The following DCPS variants were observed in gnomAD, a reference collection of about 807,000 sequenced individuals.
The protein encoded by DCPS is decapping enzyme, scavenger, also known as m7GpppX diphosphatase.
DCPS carries 27 observed loss-of-function variants against 34.7 expected under a neutral mutation model. That is an observed-to-expected ratio of 0.78 (90% CI 0.57 to 1.07). The LOEUF is 1.07. Among genes scored for constraint, DCPS ranks in the 50% least tolerant of loss-of-function variants. The pLI, the probability that DCPS is intolerant of heterozygous loss-of-function variation, is 0.00. For synonymous variants in DCPS, 185 were observed against 185.7 expected, an observed-to-expected ratio of 1.00 and a Z score of 0.03; for missense variants, 464 against 436.9, an observed-to-expected ratio of 1.06 and a Z score of -0.55.
chr11:126,342,681 C>G lies in DCPS; in HGVS notation c.637-626C>G, dbSNP rs1008197831. On this transcript the variant is annotated intron_variant, in intron 4 of 5. Transcript: ENST00000263579. This position sits in a 1 kb window ranked among gnomAD's most constrained non-coding sequence, Gnocchi z 4.4. ...TATTTTGTGTCTTACAGTAGAGCTA[C>G]TTGCATACATGCGATAAGACTGTAA... Among the ~76,000 whole-genome samples, 2 of 152,094 alleles carry G rather than the reference C, an allele frequency of 1.3e-5. No homozygotes were observed. Among genetic ancestry groups the G allele is most frequent in the East Asian group, 1.9e-4 (1 of 5,178 alleles).
rs1255936706 is a variant in DCPS, at chr11:126,348,049, G to A, written c.*2436G>A. ...TCCTTCCCCTCATCTCGTAGCGCCTGGCCCCTGGAGGAAGGTGGGTAGGAA... is the reference window on the plus strand; with the variant it reads ...TCCTTCCCCTCATCTCGTAGCGCCTAGCCCCTGGAGGAAGGTGGGTAGGAA... On this transcript the variant is annotated 3_prime_UTR_variant, in exon 6 of 6. Coordinates refer to ENST00000263579, the MANE Select transcript of DCPS (RefSeq NM_014026.6). This position sits in a 1 kb window ranked among gnomAD's most constrained non-coding sequence, Gnocchi z 5.3. 1.3e-5 allele frequency among the ~76,000 whole-genome samples: 2 copies of A among 152,036 alleles called. No individual in the cohort carries two copies. Among genetic ancestry groups the A allele is most frequent in the Non-Finnish European group, 2.9e-5 (2 of 68,006 alleles).
chr11:126,323,624 C>T lies in DCPS; in HGVS notation c.377-7781C>T, dbSNP rs1253663729. ...GATCACAGCTCACTGCAGCCTTGAC[C>T]TTCCAGGCTCAAGCGATCCTCCCAC... On this transcript the variant is annotated intron_variant, in intron 2 of 5. Transcript: ENST00000263579. This position sits in a 1 kb window ranked among gnomAD's most constrained non-coding sequence, Gnocchi z 4.4. Among the ~76,000 whole-genome samples, 2 of 151,958 alleles carry T rather than the reference C, an allele frequency of 1.3e-5. No homozygotes were observed. Among genetic ancestry groups the T allele is most frequent in the Non-Finnish European group, 2.9e-5 (2 of 68,008 alleles).
In DCPS at chr11:126,343,394, A is replaced by G. The variant is rs754246663; in HGVS notation, c.724A>G (p.Arg242Gly). 4 of 1,613,772 alleles carry G rather than the reference A, an allele frequency of 2.5e-6. No individual in the cohort carries two copies. Among genetic ancestry groups the G allele is most frequent in the Admixed American group, 1.7e-5 (1 of 59,990 alleles). Residue 242 changes from arginine (R) to glycine (G), a missense_variant, in exon 5 of 6, where the codon AGG becomes GGG. Physicochemically the swap from Arg to Gly is moderately radical, Grantham distance 125. Coordinates refer to ENST00000263579, the MANE Select transcript of DCPS (RefSeq NM_014026.6). ...TACTCCGGAGCACTTGCCGCTGCTCAGGAACATCCTCCACCAGGGGCAGGT... is the reference window on the plus strand; with the variant it reads ...TACTCCGGAGCACTTGCCGCTGCTCGGGAACATCCTCCACCAGGGGCAGGT... ...DLTPEHLPLL[R>G]NILHQGQEAI...
chr11:126,304,370 T>G, intron 1 of DCPS, 89 bp downstream of exon 1: 1 of 1,452,036 alleles, frequency 6.9e-7, no homozygotes, highest in South Asian at 1.2e-5. Flanking sequence ...GGATCTCGGC[T>G]GGAAAATACC....
chr11:126,326,127 T>TATAA (rs1409205843), intron 2 of DCPS, among the ~76,000 whole-genome samples: 1 of 152,076 alleles, frequency 6.6e-6, no homozygotes, highest in Non-Finnish European at 1.5e-5. Flanking sequence ...AAAAAATACA[T>TATAA]ATAAATAAAT....
intron 4 of DCPS, among the ~76,000 whole-genome samples, chr11:126,343,067 CAAAAA>C (rs34804017): frequency 2.9e-5 from 3 of 102,242 alleles, no homozygotes; most frequent in Non-Finnish European, 3.9e-5. Context: ...GAGACTCTGT[CAAAAA>C]AAAAAAAAAA....
intron 2 of DCPS, among the ~76,000 whole-genome samples, chr11:126,318,914 C>T (rs1951682841): frequency 6.6e-6 from 1 of 152,168 alleles, no homozygotes; most frequent in African/African-American, 2.4e-5. Context: ...TTTGGCTAAG[C>T]TAGCTTTGGC....
chr11:126,304,347 A>T (rs1951545916), intron 1 of DCPS, 66 bp downstream of exon 1: 2 of 1,281,438 alleles, frequency 1.6e-6, no homozygotes, highest in African/African-American at 1.5e-5. Flanking sequence ...TCGGAGGCAG[A>T]TTTTTTTTTT....
rs919694502 is a variant in DCPS at position 126,347,708 on chromosome 11, C to G, written c.*2095C>G. On this transcript the variant is annotated 3_prime_UTR_variant, in exon 6 of 6. Coordinates refer to ENST00000263579, the MANE Select transcript of DCPS (RefSeq NM_014026.6). The surrounding 1 kb of genome is among the most constrained non-coding windows in gnomAD (Gnocchi z 4.2). ...CTTTTGTGGGCAGTGACACTGGCAG[C>G]TGCTGGGGTCTTGGCAGGAGGTTGG... Among the ~76,000 whole-genome samples, 10 of 152,230 alleles carry G rather than the reference C, an allele frequency of 6.6e-5. No homozygotes were observed. Among genetic ancestry groups the G allele is most frequent in the African/African-American group, 2.4e-4 (10 of 41,460 alleles).
At position 126,345,022 on chromosome 11, in the gene DCPS, A is replaced by G. The variant is rs1951906737; in HGVS notation, c.748-325A>G. 1.3e-5 allele frequency among the ~76,000 whole-genome samples: 2 copies of G among 152,264 alleles called. No homozygotes were observed. Among genetic ancestry groups the G allele is most frequent in the South Asian group, 2.1e-4 (1 of 4,834 alleles). On this transcript the variant is annotated intron_variant, in intron 5 of 5. Transcript: ENST00000263579. This position sits in a 1 kb window ranked among gnomAD's most constrained non-coding sequence, Gnocchi z 7.4. Reference sequence around the variant, plus strand: ...GGGAATCTGGGGCCTGTCTGTAGACACTGGGCCTTCCAAGATTCCCAGCAG... The same window carrying G: ...GGGAATCTGGGGCCTGTCTGTAGACGCTGGGCCTTCCAAGATTCCCAGCAG...
In DCPS at chr11:126,327,315, C is replaced by G. The variant is rs912456827; in HGVS notation, c.377-4090C>G. On this transcript the variant is annotated intron_variant, in intron 2 of 5. Transcript: ENST00000263579. This position sits in a 1 kb window ranked among gnomAD's most constrained non-coding sequence, Gnocchi z 4.1. ...GGATTTTGGTTTGCTGATATTTCCT[C>G]ATGACTGGACTCAGGTTATGCGTTT... 6.6e-6 allele frequency among the ~76,000 whole-genome samples: 1 copy of G among 152,228 alleles called. No individual in the cohort carries two copies. The highest frequency in any genetic ancestry group is 6.5e-5 in the Admixed American group (1 of 15,282).
Position 126,331,602 on chromosome 11 carries a change from T to C in DCPS, c.522+52T>C, listed in dbSNP as rs1236149366. On this transcript the variant is annotated intron_variant, in intron 3 of 5. Coordinates refer to ENST00000263579, the MANE Select transcript of DCPS (RefSeq NM_014026.6). This position sits in a 1 kb window ranked among gnomAD's most constrained non-coding sequence, Gnocchi z 7.2. ...GAGCACTGCTCCCGTGGCTGGTGCC[T>C]CCTCTTACGAGTGTCTATTGGGGTC... 1 of 1,599,072 alleles carries C rather than the reference T, an allele frequency of 6.3e-7. No individual in the cohort carries two copies. Among genetic ancestry groups the C allele is most frequent in the Non-Finnish European group, 8.5e-7 (1 of 1,172,738 alleles).
Position 126,342,508 on chromosome 11 carries a change from T to C in DCPS, c.637-799T>C, listed in dbSNP as rs1288322432. Among the ~76,000 whole-genome samples, 1 of 152,166 alleles carries C rather than the reference T, an allele frequency of 6.6e-6. No individual in the cohort carries two copies. The highest frequency in any genetic ancestry group is 1.5e-5 in the Non-Finnish European group (1 of 68,022). On this transcript the variant is annotated intron_variant, in intron 4 of 5. Transcript: ENST00000263579. This position sits in a 1 kb window ranked among gnomAD's most constrained non-coding sequence, Gnocchi z 4.4. Reference sequence around the variant, plus strand: ...ATTCTATGCCCTATACATTCTTGCCTCCGAGTCTTTGCTCTGTTTCCTCTA... The same window carrying C: ...ATTCTATGCCCTATACATTCTTGCCCCCGAGTCTTTGCTCTGTTTCCTCTA...
rs144489234 is a variant in DCPS at position 126,314,419 on chromosome 11, G to A, written c.376+7675G>A. On this transcript the variant is annotated intron_variant, in intron 2 of 5. Coordinates refer to ENST00000263579, the MANE Select transcript of DCPS (RefSeq NM_014026.6). ...ATGGAAAGTAGTACAACCATTACGG[G>A]AAACAGTGTGGAAATTCCTTAAAGA... Among the ~76,000 whole-genome samples the A allele has an allele frequency of 4.2e-4, 64 of 152,294 alleles. No individual in the cohort carries two copies. The South Asian group carries it at 0.013, about 32-fold the overall frequency.
chr11:126,341,309 C>T (rs1056557980), intron 4 of DCPS: 5 of 152,274 alleles, frequency 3.3e-5, no homozygotes, highest in Non-Finnish European at 5.9e-5. Context: ...CCCAGAGTGA[C>T]TGATGGGCCA....
At chr11:126,305,317 G>A (rs1202386327) in intron 1 of DCPS, among the ~76,000 whole-genome samples, 3 of 149,284 alleles carry the variant, frequency 2.0e-5, no homozygotes, top group Non-Finnish European at 3.0e-5. Context: ...GTTTCACCAT[G>A]TTGGCCAGGC....
intron 4 of DCPS, among the ~76,000 whole-genome samples, chr11:126,339,340 G>T (rs550095568): frequency 6.2e-4 from 95 of 152,346 alleles, no homozygotes; most frequent in African/African-American, 2.2e-3. Context: ...CCCGTCAAAG[G>T]CTGGAGAGAC....
At position 126,331,414 on chromosome 11, in the gene DCPS, C is replaced by T. The variant is rs201550193; in HGVS notation, c.386C>T (p.Thr129Met). ...TGCTGTATCATTGCAGATGTAAAGA[C>T]GACCGTGGTTTACCCTGCCACAGAG... ...FPPRQLNDVK[T>M]TVVYPATEKH... Residue 129 changes from threonine (T) to methionine (M), a missense_variant, in exon 3 of 6, where the codon ACG becomes ATG. Coordinates refer to ENST00000263579, the MANE Select transcript of DCPS (RefSeq NM_014026.6). This position sits in a 1 kb window ranked among gnomAD's most constrained non-coding sequence, Gnocchi z 7.2. 4.7e-5 allele frequency: 76 copies of T among 1,614,060 alleles called. No homozygotes were observed. The Admixed American group carries it at 6.2e-4, about 13-fold the overall frequency.
In DCPS at chr11:126,334,551, C is replaced by T. The variant is rs1435499000; in HGVS notation, c.522+3001C>T. The stretch of plus-strand genomic sequence containing the variant: ...TAGAGACGGAGTTTCACCATGTTGG[C>T]CAGGCTGGTCTCAAACTCCTGACCT... On this transcript the variant is annotated intron_variant, in intron 3 of 5. Transcript: ENST00000263579. The surrounding 1 kb of genome is among the most constrained non-coding windows in gnomAD (Gnocchi z 5.5). Among the ~76,000 whole-genome samples, 2 of 152,040 alleles carry T rather than the reference C, an allele frequency of 1.3e-5. No homozygotes were observed. Among genetic ancestry groups the T allele is most frequent in the Non-Finnish European group, 2.9e-5 (2 of 68,022 alleles).
Sources: allele counts gnomAD v4.1 joint callset (sites outside exome capture counted in the v4.1 genomes callset), GRCh38; gene constraint gnomAD v4.1.1; non-coding constraint Gnocchi (gnomAD v3.1); transcripts MANE v1.5; gene names NCBI Gene and HGNC (gene_info 2026-07-23, HGNC 2026-07-21).